Variants in RPS6KA3 observed in about 807,000 individuals in gnomAD.
RPS6KA3 encodes the protein ribosomal protein S6 kinase alpha-3.
Under a neutral mutation model 67.2 loss-of-function variants are expected in RPS6KA3, and 4 were observed. The ratio of observed to expected loss-of-function variants is 0.06; its 90% CI spans 0.03 to 0.14. RPS6KA3 has a LOEUF of 0.14. RPS6KA3 is among the 10% of genes least tolerant of loss of function. The probability of loss-of-function intolerance (pLI) is 1.00; values close to 1 mark genes in which losing one functional copy is unlikely to be tolerated. For synonymous variants in RPS6KA3, 182 were observed against 183.7 expected (o/e 0.99, Z 0.07); for missense variants, 204 against 559.0 (o/e 0.36, Z 6.40).
At chrX:20,165,116 G>C in intron 17 of RPS6KA3, 56 bp from the exon 18 acceptor site, 1 of 968,949 alleles carries the variant, frequency 1.0e-6, no homozygotes, top group Non-Finnish European at 1.5e-6. Context: ...ATTACTGAAA[G>C]TTCTTTATTC....
rs2067127180 is a variant in RPS6KA3 at position 20,152,940 on chromosome X, T to C, written c.*2458A>G. On this transcript the variant is annotated 3_prime_UTR_variant, in exon 22 of 22. Transcript: ENST00000379565. ...ATGAGGGAAAGGCAGCATGGTGTGA[T>C]GAGGCGGAAAAAAACAAAATGGGGA... The C allele has an allele frequency of 9.0e-6, 1 of 111,344 alleles. No individual in the cohort carries two copies. Among genetic ancestry groups the C allele is most frequent in the African/African-American group, 3.3e-5 (1 of 30,561 alleles). The allele number at this position is 111,344 out of a possible 1,213,427, so 9.2% of individuals were successfully genotyped here. A position where few individuals can be genotyped will look rare whatever the true frequency, so the allele number is the denominator to read the frequency against.
chrX:20,226,617 C>A (rs1216170446), intron 2 of RPS6KA3, among the ~76,000 whole-genome samples: 2 of 111,988 alleles, frequency 1.8e-5, no homozygotes, highest in African/African-American at 3.2e-5. Context: ...TGAATTTTTG[C>A]CTGATCACAC....
intron 2 of RPS6KA3, chrX:20,218,745 T>C: frequency 1.3e-6 from 1 of 795,450 alleles, no homozygotes. Flanking sequence ...ACTGTAATTA[T>C]AGTTAGCTCC....
chrX:20,214,436 G>C (rs114874970), intron 2 of RPS6KA3, among the ~76,000 whole-genome samples: 3,483 of 112,108 alleles, frequency 0.031, 127 homozygotes, highest in African/African-American at 0.1. Flanking sequence ...AATAATCTTG[G>C]CTCAGAACTT....
chrX:20,206,725 A>T (rs2068581949), intron 3 of RPS6KA3, among the ~76,000 whole-genome samples: 1 of 112,402 alleles, frequency 8.9e-6, no homozygotes, highest in Non-Finnish European at 1.9e-5. Flanking sequence ...ATAACCAGGG[A>T]ACATAACCTA....
intron 2 of RPS6KA3, among the ~76,000 whole-genome samples, chrX:20,213,294 T>A (rs1387259049): frequency 1.8e-5 from 2 of 112,126 alleles, no homozygotes; most frequent in Non-Finnish European, 3.8e-5. Flanking sequence ...TGAAAAAAAA[T>A]TAGTTCTGCA....
chrX:20,202,704 T>TA (rs757271316), intron 4 of RPS6KA3, among the ~76,000 whole-genome samples: 2 of 112,095 alleles, frequency 1.8e-5, no homozygotes, highest in Admixed American at 1.9e-4. Flanking sequence ...TTAGGTTTCT[T>TA]AGAGTTTTGT....
intron 1 of RPS6KA3, among the ~76,000 whole-genome samples, chrX:20,254,854 C>T (rs1432885122): frequency 1.8e-5 from 2 of 111,656 alleles, no homozygotes; most frequent in South Asian, 3.7e-4. Context: ...GGCAAGGATA[C>T]GGAAAAGCTG....
At chrX:20,224,450 C>G (rs989768391) in intron 2 of RPS6KA3, among the ~76,000 whole-genome samples, 3 of 110,703 alleles carry the variant, frequency 2.7e-5, no homozygotes, top group Admixed American at 9.6e-5. Flanking sequence ...GATGACTGAA[C>G]CCTGTTGAAA....
chrX:20,179,979 C>A (rs2067801733), intron 10 of RPS6KA3, among the ~76,000 whole-genome samples: 1 of 110,472 alleles, frequency 9.1e-6, no homozygotes, highest in Non-Finnish European at 1.9e-5. Flanking sequence ...GTCCTAGCTA[C>A]TCCAGATGCT....
At chrX:20,186,927 G>C (rs997249381) in intron 9 of RPS6KA3, among the ~76,000 whole-genome samples, 3 of 110,847 alleles carry the variant, frequency 2.7e-5, no homozygotes, top group Non-Finnish European at 3.8e-5. Context: ...TCCGTCTCCT[G>C]GGTTCAAGTG....
In RPS6KA3 at chrX:20,188,498, T is replaced by C. The variant is rs763806427; in HGVS notation, c.630A>G (p.Thr210=). Residue 210 remains threonine (T), a splice_region_variant and synonymous_variant, in exon 8 of 22, where the codon ACA becomes ACG. Coordinates refer to ENST00000379565, the MANE Select transcript of RPS6KA3 (RefSeq NM_004586.3). The stretch of plus-strand genomic sequence containing the variant: ...ATAAAACGAGGATTTTTTTTTTACC[T>C]GTTAACTTGATGTGACCTTCTTCAT... The part of the protein sequence containing the change: ...LLDEEGHIKL[T]DFGLSKESID... The C allele has an allele frequency of 2.1e-5, 21 of 1,009,070 alleles. No homozygotes were observed. The highest frequency in any genetic ancestry group is 2.8e-5 in the Non-Finnish European group (20 of 717,900). The allele number at this position is 1,009,070 out of a possible 1,213,427, so 83.2% of individuals were successfully genotyped here.
At chrX:20,160,827 A>G (rs1603418558) in intron 20 of RPS6KA3, among the ~76,000 whole-genome samples, 1 of 112,234 alleles carries the variant, frequency 8.9e-6, no homozygotes, top group Non-Finnish European at 1.9e-5. Flanking sequence ...CAGAATCTAT[A>G]TACACTTTTG....
At position 20,266,894 on chromosome X, in the gene RPS6KA3, G is replaced by T; in HGVS notation, c.-262C>A. On this transcript the variant is annotated 5_prime_UTR_variant, in exon 1 of 22. Transcript: ENST00000379565. ...AGCCTCGCGCCTCCGCTGGGCACCG[G>T]GTCTCGCCCCTTTCTTCCTCTCCTC... 1.8e-6 allele frequency: 1 copy of T among 555,426 alleles called. No homozygotes were observed. Among genetic ancestry groups the T allele is most frequent in the Non-Finnish European group, 2.2e-6 (1 of 457,080 alleles). The allele number at this position is 555,426 out of a possible 1,213,427, so 45.8% of individuals were successfully genotyped here. A position where few individuals can be genotyped will look rare whatever the true frequency, so the allele number is the denominator to read the frequency against.
In RPS6KA3 at chrX:20,221,189, C is replaced by G. The variant is rs114364904; in HGVS notation, c.127-11785G>C. Among the ~76,000 whole-genome samples the G allele has an allele frequency of 5.6e-3, 628 of 111,468 alleles. 4 individuals carry two copies. Among genetic ancestry groups the G allele is most frequent in the African/African-American group, 0.019 (591 of 30,714 alleles). ...TTAATACCAAATATCACACATAAGACCTCAAATAAATGGCTGCCTTAATAA... is the reference window on the plus strand; with the variant it reads ...TTAATACCAAATATCACACATAAGAGCTCAAATAAATGGCTGCCTTAATAA... On this transcript the variant is annotated intron_variant, in intron 2 of 21. Transcript: ENST00000379565.
At position 20,155,448 on chromosome X, in the gene RPS6KA3, T is replaced by C; in HGVS notation, c.2173A>G (p.Thr725Ala). The C allele has an allele frequency of 8.3e-7, 1 of 1,209,668 alleles. No homozygotes were observed. Residue 725 changes from threonine (T) to alanine (A), a missense_variant, in exon 22 of 22, where the codon ACT (threonine) becomes GCT (alanine). Physicochemically the swap from Thr to Ala is moderately conservative, Grantham distance 58. This residue lies in a region of RPS6KA3 where 73 missense variants were observed against 241.1 expected (regional missense o/e 0.30). Transcript: ENST00000379565. ...TTAATACCTCTCCGCTGAGCAAGAG[T>C]AGAGCGGCCTACTGGTTCCAAAACT... ...SPVLEPVGRS[T>A]LAQRRGIKKI...
chrX:20,214,249 T>C (rs921998003), intron 2 of RPS6KA3, among the ~76,000 whole-genome samples: 2 of 112,036 alleles, frequency 1.8e-5, no homozygotes. Context: ...TCTTCAGTGA[T>C]TTTCTGGTTG....
At chrX:20,252,972 C>T (rs777779656) in intron 1 of RPS6KA3, among the ~76,000 whole-genome samples, 2 of 111,017 alleles carry the variant, frequency 1.8e-5, no homozygotes, top group South Asian at 3.8e-4. Flanking sequence ...TGTTAAGTGT[C>T]ATTGCTTCTG....
At chrX:20,248,481 ATTTT>A (rs1216851684) in intron 1 of RPS6KA3, among the ~76,000 whole-genome samples, 1 of 109,175 alleles carries the variant, frequency 9.2e-6, no homozygotes, top group Non-Finnish European at 1.9e-5. Flanking sequence ...ATGCTTTTTA[ATTTT>A]TTTTTATTTT....
Sources: gnomAD v4.1 joint callset for allele counts (sites outside exome capture counted in the v4.1 genomes callset) on GRCh38, gnomAD v4.1.1 for gene constraint, gnomAD v4.1.1 regional missense constraint, MANE v1.5 for transcripts, NCBI Gene and HGNC (gene_info 2026-07-23, HGNC 2026-07-21) for gene names.